Variants in HOOK3 observed in about 807,000 individuals in gnomAD.
The protein encoded by HOOK3 is protein Hook homolog 3.
HOOK3 carries 24 observed loss-of-function variants against 116.3 expected under a neutral mutation model. That is an observed-to-expected ratio of 0.21 (90% CI 0.15 to 0.29). HOOK3 has a LOEUF of 0.29. Among genes scored for constraint, HOOK3 ranks in the 10% least tolerant of loss-of-function variants. The probability of loss-of-function intolerance (pLI) is 1.00; values close to 1 mark genes in which losing one functional copy is unlikely to be tolerated. For synonymous variants in HOOK3, 275 were observed against 283.0 expected, an observed-to-expected ratio of 0.97 and a Z score of 0.28; for missense variants, 632 against 830.2, an observed-to-expected ratio of 0.76 and a Z score of 2.93.
At position 43,010,416 on chromosome 8, in the gene HOOK3, A is replaced by AT. The variant is rs1809582820; in HGVS notation, c.1839+15dup. The stretch of plus-strand genomic sequence containing the variant: ...GAGAAAGCCAAAAGTGTAAGTATGA[A>AT]TTTTGTAGGCATCTCACTCTACCTT... On this transcript the variant is annotated intron_variant, in intron 19 of 21. Coordinates refer to ENST00000307602, the MANE Select transcript of HOOK3 (RefSeq NM_032410.4). The AT allele has an allele frequency of 8.7e-7, 1 of 1,148,678 alleles. No homozygotes were observed. The highest frequency in any genetic ancestry group is 1.6e-5 in the South Asian group (1 of 61,652). The allele number at this position is 1,148,678 out of a possible 1,614,324, so 71.2% of individuals were successfully genotyped here. A position where few individuals can be genotyped will look rare whatever the true frequency, so the allele number is the denominator to read the frequency against.
chr8:42,968,423 A>G (rs1808671098), intron 11 of HOOK3, among the ~76,000 whole-genome samples: 1 of 152,142 alleles, frequency 6.6e-6, no homozygotes, highest in Admixed American at 6.6e-5. Flanking sequence ...TCCACCTCCC[A>G]GGTTCAAGCT....
Position 42,916,735 on chromosome 8 carries a change from G to T in HOOK3, c.144-8822G>T, listed in dbSNP as rs117198830. On this transcript the variant is annotated intron_variant, in intron 2 of 21. Transcript: ENST00000307602. ...CAATGCTATTTCTGTAAATCAGTGA[G>T]AATTTCTAACAACTTTGTATCAACC... Among the ~76,000 whole-genome samples the T allele has an allele frequency of 2.6e-3, 395 of 152,266 alleles. 1 individual carries two copies. The highest frequency in any genetic ancestry group is 4.5e-3 in the Non-Finnish European group (304 of 68,030).
At chr8:42,907,455 G>T (rs926259395) in intron 2 of HOOK3, among the ~76,000 whole-genome samples, 15 of 152,070 alleles carry the variant, frequency 9.9e-5, no homozygotes, top group Non-Finnish European at 1.8e-4. Context: ...GCTCAAGAAG[G>T]CTCATTGGGA....
chr8:42,902,243 G>A (rs1411983220), intron 1 of HOOK3, among the ~76,000 whole-genome samples: 2 of 151,298 alleles, frequency 1.3e-5, no homozygotes, highest in African/African-American at 4.9e-5. Context: ...TCAGTAGGGG[G>A]AGCCAAGAAA....
chr8:42,897,838 C>G (rs771783171), intron 1 of HOOK3, among the ~76,000 whole-genome samples: 2 of 152,358 alleles, frequency 1.3e-5, no homozygotes, highest in Admixed American at 6.5e-5. Context: ...TCACCTCTCA[C>G]GTCAGCTGCC....
chr8:42,899,587 T>A (rs1012455730), intron 1 of HOOK3, among the ~76,000 whole-genome samples: 2 of 152,258 alleles, frequency 1.3e-5, no homozygotes, highest in Non-Finnish European at 2.9e-5. Flanking sequence ...TAAGCCAGAT[T>A]AATGCTAAGC....
At chr8:42,967,149 C>T (rs2130424830) in intron 10 of HOOK3, among the ~76,000 whole-genome samples, 1 of 152,202 alleles carries the variant, frequency 6.6e-6, no homozygotes, top group East Asian at 1.9e-4. Context: ...TAGTTTTGTG[C>T]TCCTGCCAAT....
intron 2 of HOOK3, among the ~76,000 whole-genome samples, chr8:42,909,177 C>T (rs1232381570): frequency 6.6e-6 from 1 of 152,104 alleles, no homozygotes; most frequent in Non-Finnish European, 1.5e-5. Flanking sequence ...AGATGTGGAG[C>T]AGAGGGAACC....
chr8:42,991,602 C>T (rs889631181), intron 15 of HOOK3, among the ~76,000 whole-genome samples: 4 of 152,028 alleles, frequency 2.6e-5, no homozygotes, highest in Middle Eastern at 3.4e-3. Context: ...GGGTTTTGCC[C>T]GGTTGGCTGG....
chr8:42,925,565 C>T lies in HOOK3; in HGVS notation c.152C>T (p.Ala51Val). 6.3e-7 allele frequency: 1 copy of T among 1,599,048 alleles called. No homozygotes were observed. Among genetic ancestry groups the T allele is most frequent in the Non-Finnish European group, 8.5e-7 (1 of 1,170,356 alleles). The change falls in exon 3 of 22, where the codon GCA (alanine) becomes GTA (valine). Residue 51 changes from alanine to valine, a missense_variant. Transcript: ENST00000307602. ...TTTTTCTTATTTTGCAGAGATCCTG[C>T]ATATTTTGATGAAAATTGGCTAAAC... The part of the protein sequence containing the change: ...MAQVLQKIDP[A>V]YFDENWLNRI...
intron 18 of HOOK3, among the ~76,000 whole-genome samples, chr8:43,009,023 C>T (rs562495119): frequency 4.6e-5 from 7 of 152,162 alleles, no homozygotes; most frequent in African/African-American, 1.7e-4. Flanking sequence ...GTAATCCTAG[C>T]AATTTGGCAG....
At chr8:42,923,296 A>G (rs1807696878) in intron 2 of HOOK3, among the ~76,000 whole-genome samples, 1 of 152,226 alleles carries the variant, frequency 6.6e-6, no homozygotes, top group South Asian at 2.1e-4. Context: ...CTTGCCTCAC[A>G]TGACCCATCA....
intron 2 of HOOK3, among the ~76,000 whole-genome samples, chr8:42,908,569 T>G (rs528121228): frequency 2.6e-5 from 4 of 152,168 alleles, no homozygotes; most frequent in Non-Finnish European, 5.9e-5. Context: ...AAAGGACAAG[T>G]CTCTTCAGTA....
chr8:42,973,476 ACATT>A (rs1387531260), intron 12 of HOOK3, 77 bp downstream of exon 12: 53 of 851,576 alleles, frequency 6.2e-5, no homozygotes, highest in Admixed American at 2.9e-5. Context: ...ATGTTTGGCC[ACATT>A]CATTTAAGTT....
intron 17 of HOOK3, among the ~76,000 whole-genome samples, chr8:43,006,506 A>G (rs1809493193): frequency 6.6e-6 from 1 of 151,940 alleles, no homozygotes; most frequent in Non-Finnish European, 1.5e-5. Flanking sequence ...GTATTTTAGT[A>G]GAGATGGGGT....
chr8:42,938,754 T>A (rs1808028421), intron 4 of HOOK3, among the ~76,000 whole-genome samples: 1 of 151,944 alleles, frequency 6.6e-6, no homozygotes, highest in Admixed American at 6.6e-5. Flanking sequence ...TTCTTGGGTG[T>A]TTCTCGCAGA....
chr8:42,897,175 G>T lies in HOOK3; in HGVS notation c.44G>T (p.Ser15Ile). The change falls in exon 1 of 22, where the codon AGC (serine) becomes ATC (isoleucine). Residue 15 changes from serine (S) to isoleucine (I), a missense_variant. Physicochemically the swap from Ser to Ile is moderately radical, Grantham distance 142 (BLOSUM62 -2). Around this residue, in one of 3 missense-constraint regions of HOOK3, gnomAD observed 141 missense variants for 150.8 expected, o/e 0.93. Coordinates refer to ENST00000307602, the MANE Select transcript of HOOK3 (RefSeq NM_032410.4). ...ESLERAELCE[S>I]LLTWIQTFNV... ...CTGGAGCGGGCGGAGCTGTGCGAGAGCCTCCTCACTTGGGTACGTGGGGGC... is the reference window on the plus strand; with the variant it reads ...CTGGAGCGGGCGGAGCTGTGCGAGATCCTCCTCACTTGGGTACGTGGGGGC... 8.0e-7 allele frequency: 1 copy of T among 1,248,864 alleles called. No homozygotes were observed. Among genetic ancestry groups the T allele is most frequent in the East Asian group, 3.1e-5 (1 of 32,004 alleles). The allele number at this position is 1,248,864 out of a possible 1,614,324, so 77.4% of individuals were successfully genotyped here.
chr8:42,933,315 C>T (rs1478592464), intron 4 of HOOK3, among the ~76,000 whole-genome samples: 1 of 152,140 alleles, frequency 6.6e-6, no homozygotes, highest in Non-Finnish European at 1.5e-5. Context: ...TATGTAGGTC[C>T]ACAATTTCAG....
chr8:43,024,560 T>G lies in HOOK3; in HGVS notation c.*6062T>G, dbSNP rs972145916. 4.3e-5 allele frequency: 8 copies of G among 187,040 alleles called. No individual in the cohort carries two copies. The highest frequency in any genetic ancestry group is 3.9e-4 in the South Asian group (2 of 5,132). The allele number at this position is 187,040 out of a possible 1,614,324, so 11.6% of individuals were successfully genotyped here. ...AGAAGGAGGTTTCAGAGCTTATTCT[T>G]GATAACTATAATAATGATTTGAATG... On this transcript the variant is annotated 3_prime_UTR_variant, in exon 22 of 22. Coordinates refer to ENST00000307602, the MANE Select transcript of HOOK3 (RefSeq NM_032410.4).
Sources: gnomAD v4.1 joint callset for allele counts (sites outside exome capture counted in the v4.1 genomes callset) on GRCh38, gnomAD v4.1.1 for gene constraint, gnomAD v4.1.1 regional missense constraint, MANE v1.5 for transcripts, NCBI Gene and HGNC (gene_info 2026-07-23, HGNC 2026-07-21) for gene names.